Variants in GREB1L observed in about 807,000 individuals in gnomAD.
The protein encoded by GREB1L is GREB1 like retinoic acid receptor coactivator, also known as GREB1-like protein.
A neutral mutation model predicts 200.8 loss-of-function variants in GREB1L; 17 were observed. The observed-to-expected ratio is 0.08, with a 90% CI of 0.06 to 0.13. The LOEUF is 0.13. Ranked by LOEUF, GREB1L falls within the 10% of genes least tolerant of loss-of-function variation. GREB1L has a pLI of 1.00. For synonymous variants in GREB1L, 789 were observed against 893.0 expected, an observed-to-expected ratio of 0.88 and a Z score of 2.08; for missense variants, 1,657 against 2,367.7, an observed-to-expected ratio of 0.70 and a Z score of 6.23.
intron 11 of GREB1L, among the ~76,000 whole-genome samples, chr18:21,448,828 G>A (rs572293465): frequency 6.6e-6 from 1 of 152,150 alleles, no homozygotes; most frequent in Non-Finnish European, 1.5e-5. Flanking sequence ...AAATCCCCCT[G>A]ATTCCAGGGG....
chr18:21,439,292 A>T (rs886397304), intron 7 of GREB1L, among the ~76,000 whole-genome samples: 2 of 152,190 alleles, frequency 1.3e-5, no homozygotes, highest in Non-Finnish European at 2.9e-5. Flanking sequence ...ACTGAAACTG[A>T]TTCCAGAAGA....
At chr18:21,510,669 A>G (rs2037204002) in intron 27 of GREB1L, among the ~76,000 whole-genome samples, 1 of 152,172 alleles carries the variant, frequency 6.6e-6, no homozygotes, top group African/African-American at 2.4e-5. Flanking sequence ...CAAATATCTC[A>G]GACCCTTATT....
chr18:21,257,039 TGTTA>T lies in GREB1L; in HGVS notation c.-120+14651_-120+14654del, dbSNP rs573880984. Reference sequence around the variant, plus strand: ...AAAAAAAAAAAAGACTCTCAGGAAATGTTAGTTATTTTTCCTCATTAGACTTGTT... The same window carrying T: ...AAAAAAAAAAAAGACTCTCAGGAAATGTTATTTTTCCTCATTAGACTTGTT... On this transcript the variant is annotated intron_variant, in intron 1 of 32. Coordinates refer to ENST00000424526, the MANE Select transcript of GREB1L (RefSeq NM_001142966.3). 1.7e-3 allele frequency among the ~76,000 whole-genome samples: 247 copies of T among 144,564 alleles called. 2 individuals carry two copies. The highest frequency in any genetic ancestry group is 3.5e-3 in the South Asian group (16 of 4,514). The allele number at this position is 144,564 out of a possible 152,430, so 94.8% of individuals were successfully genotyped here.
chr18:21,352,418 C>T (rs2039446923), intron 1 of GREB1L, among the ~76,000 whole-genome samples: 1 of 151,394 alleles, frequency 6.6e-6, no homozygotes, highest in South Asian at 2.1e-4. Flanking sequence ...ATTAAGTTTG[C>T]AGTGTGCTTT....
intron 1 of GREB1L, among the ~76,000 whole-genome samples, chr18:21,282,872 A>G (rs2038293281): frequency 6.6e-6 from 1 of 152,248 alleles, no homozygotes; most frequent in Admixed American, 6.5e-5. Flanking sequence ...TGCTGGGATT[A>G]CAGGCGTGAG....
chr18:21,360,305 G>A (rs1460433430), intron 1 of GREB1L, among the ~76,000 whole-genome samples: 5 of 152,074 alleles, frequency 3.3e-5, no homozygotes, highest in African/African-American at 7.2e-5. Flanking sequence ...TGCAACCTCC[G>A]CCTCCCGGGT....
intron 23 of GREB1L, among the ~76,000 whole-genome samples, chr18:21,505,205 A>G (rs749173657): frequency 1.8e-4 from 27 of 152,170 alleles, no homozygotes; most frequent in Non-Finnish European, 3.5e-4. Context: ...GTCTGCAGAG[A>G]CGAATGCTGG....
intron 15 of GREB1L, among the ~76,000 whole-genome samples, chr18:21,464,352 T>G (rs1381387177): frequency 6.6e-6 from 1 of 152,000 alleles, no homozygotes; most frequent in Non-Finnish European, 1.5e-5. Flanking sequence ...CTACCATTTA[T>G]AGTAGAGATA....
At chr18:21,378,277 C>T (rs2040158587) in intron 2 of GREB1L, among the ~76,000 whole-genome samples, 1 of 152,210 alleles carries the variant, frequency 6.6e-6, no homozygotes, top group Non-Finnish European at 1.5e-5. Flanking sequence ...CTCCACCCTT[C>T]TTCTTTGGGT....
At chr18:21,487,059 T>C (rs1191711173) in intron 18 of GREB1L, among the ~76,000 whole-genome samples, 3 of 152,246 alleles carry the variant, frequency 2.0e-5, no homozygotes, top group Non-Finnish European at 4.4e-5. Context: ...TTGGAAAGTC[T>C]TAACTGACAC....
chr18:21,242,766 C>G (rs1007102106), intron 1 of GREB1L, among the ~76,000 whole-genome samples: 4 of 152,088 alleles, frequency 2.6e-5, no homozygotes, highest in Non-Finnish European at 4.4e-5. Context: ...GAGGGAGCTG[C>G]GGCGCGCCGA....
At chr18:21,444,063 A>G (rs2034070081) in intron 10 of GREB1L, among the ~76,000 whole-genome samples, 161 bp from the exon 11 acceptor site, 1 of 152,252 alleles carries the variant, frequency 6.6e-6, no homozygotes, top group Non-Finnish European at 1.5e-5. Flanking sequence ...GGAGCATCCA[A>G]GTGAATTCCC....
intron 5 of GREB1L, among the ~76,000 whole-genome samples, chr18:21,396,113 C>T (rs9807133): frequency 0.049 from 7,048 of 144,412 alleles, 559 homozygotes; most frequent in African/African-American, 0.17. Context: ...GGCATGATCT[C>T]GGCTCACTGC....
intron 1 of GREB1L, among the ~76,000 whole-genome samples, chr18:21,298,353 C>T (rs1005396679): frequency 6.6e-5 from 10 of 151,964 alleles, no homozygotes; most frequent in Admixed American, 2.0e-4. Context: ...TTTTTAGTTT[C>T]GATATTTGAA....
intron 1 of GREB1L, among the ~76,000 whole-genome samples, chr18:21,355,079 T>C (rs1359544186): frequency 6.6e-6 from 1 of 152,168 alleles, no homozygotes; most frequent in Non-Finnish European, 1.5e-5. Context: ...AGAGCTGCTT[T>C]AGTGTCCTTA....
chr18:21,290,652 G>A (rs536020482), intron 1 of GREB1L, among the ~76,000 whole-genome samples: 4 of 151,928 alleles, frequency 2.6e-5, no homozygotes, highest in Non-Finnish European at 4.4e-5. Context: ...GCGAAGGCCC[G>A]TCTCTACTAA....
chr18:21,372,861 C>T (rs779230563), intron 2 of GREB1L, among the ~76,000 whole-genome samples: 3 of 152,062 alleles, frequency 2.0e-5, no homozygotes, highest in South Asian at 4.2e-4. Flanking sequence ...GTGGAGGTGG[C>T]GGTGAGCCGA....
intron 1 of GREB1L, among the ~76,000 whole-genome samples, chr18:21,334,983 ACAAT>A (rs1365952980): frequency 6.6e-6 from 1 of 152,214 alleles, no homozygotes; most frequent in African/African-American, 2.4e-5. Flanking sequence ...TTAAAAGAGA[ACAAT>A]CAATTTATCC....
Position 21,496,205 on chromosome 18 carries a change from A to G in GREB1L, c.3147-249A>G, listed in dbSNP as rs369519670. Among the ~76,000 whole-genome samples, 6 of 152,290 alleles carry G rather than the reference A, an allele frequency of 3.9e-5. No homozygotes were observed. The East Asian group carries it at 1.2e-3, about 29-fold the overall frequency. ...GCAGTGCCCTAAATGCCTTACATGT[A>G]TTCAGTCCTTAAAACAACCATATGA... On this transcript the variant is annotated intron_variant, in intron 20 of 32. Transcript: ENST00000424526.
Sources: allele counts gnomAD v4.1 joint callset (sites outside exome capture counted in the v4.1 genomes callset), GRCh38; gene constraint gnomAD v4.1.1; transcripts MANE v1.5; gene names NCBI Gene and HGNC (gene_info 2026-07-23, HGNC 2026-07-21).